The following SMDT1 variants were observed in gnomAD, a reference collection of about 807,000 sequenced individuals.
SMDT1 encodes single-pass membrane protein with aspartate rich tail 1, also known as essential MCU regulator, mitochondrial.
A neutral mutation model predicts 5.9 loss-of-function variants in SMDT1; 6 were observed. That is an observed-to-expected ratio of 1.03 (90% CI 0.56 to 2.02). The LOEUF is 2.02. Among genes scored for constraint, SMDT1 ranks in the 30% most tolerant of loss-of-function variants. The probability of loss-of-function intolerance (pLI) is 0.00; values close to 1 mark genes in which losing one functional copy is unlikely to be tolerated. For missense variants in SMDT1, 159 were observed against 145.6 expected (o/e 1.09, Z -0.47); for synonymous variants, 81 against 62.4 (o/e 1.30, Z -1.40).
intron 2 of SMDT1, 68 bp downstream of exon 2, chr22:42,082,133 C>A (rs1447551867): frequency 1.9e-6 from 3 of 1,580,754 alleles, no homozygotes; most frequent in South Asian, 1.1e-5. Context: ...TGCAGTCTGG[C>A]CTGGTAGCAG....
chr22:42,081,183 T>C (rs74360262), intron 1 of SMDT1, among the ~76,000 whole-genome samples: 2 of 151,936 alleles, frequency 1.3e-5, no homozygotes, highest in Non-Finnish European at 2.9e-5. Context: ...TTTTTTTTTT[T>C]GAGACGGAGT....
In SMDT1 at chr22:42,079,740, G is replaced by GT. The variant is rs1927595451; in HGVS notation, c.-28dup. The GT allele has an allele frequency of 1.3e-6, 2 of 1,587,220 alleles. No homozygotes were observed. Among genetic ancestry groups the GT allele is most frequent in the East Asian group, 4.5e-5 (2 of 44,434 alleles). On this transcript the variant is annotated 5_prime_UTR_variant, in exon 1 of 3. Transcript: ENST00000331479. The stretch of plus-strand genomic sequence containing the variant: ...ACGAGGGCTGGGCGGTGGGGTGCGG[G>GT]TGCCCGGGTGAGGGGCGGAGCTGGG...
chr22:42,081,663 T>C (rs1927793331), intron 1 of SMDT1, among the ~76,000 whole-genome samples: 1 of 151,840 alleles, frequency 6.6e-6, no homozygotes, highest in South Asian at 2.1e-4. Flanking sequence ...GATTTCACCA[T>C]GTTGGCCAGG....
rs551233749 is a variant in SMDT1, at chr22:42,079,931, G to C, written c.163G>C (p.Ala55Pro). The stretch of plus-strand genomic sequence containing the variant: ...GTCAGTCATCGTTACCCGCAGCGGC[G>C]CCATTTTGCCCAAACCGGTGAAAGT... The part of the protein sequence containing the change: ...SRSVIVTRSG[A>P]ILPKPVKMSF... Residue 55 changes from alanine (A) to proline (P), a missense_variant, in exon 1 of 3, where the codon GCC becomes CCC. Coordinates refer to ENST00000331479, the MANE Select transcript of SMDT1 (RefSeq NM_033318.5). 2.5e-6 allele frequency: 4 copies of C among 1,612,896 alleles called. No homozygotes were observed. The Admixed American group carries it at 5.0e-5, about 20-fold the overall frequency.
intron 1 of SMDT1, among the ~76,000 whole-genome samples, chr22:42,080,792 G>T (rs1927722771): frequency 6.6e-6 from 1 of 152,220 alleles, no homozygotes; most frequent in Non-Finnish European, 1.5e-5. Flanking sequence ...GAATACGAGA[G>T]AAATGTTGCT....
Position 42,082,024 on chromosome 22 carries a change from G to T in SMDT1, c.286G>T (p.Asp96Tyr), listed in dbSNP as rs759001318. Residue 96 changes from aspartate to tyrosine, a missense_variant, in exon 2 of 3, where the codon GAC (aspartate) becomes TAC (tyrosine). Coordinates refer to ENST00000331479, the MANE Select transcript of SMDT1 (RefSeq NM_033318.5). ...CTTTGCTGCTCTACTTGAGGAACAT[G>T]ACATTTTTGTTCCAGAGGATGATGA... is the stretch of plus-strand genomic sequence containing the variant. ...KNFAALLEEH[D>Y]IFVPEDDDDD... The T allele has an allele frequency of 6.2e-7, 1 of 1,613,732 alleles. No homozygotes were observed.
At chr22:42,080,054 A>G (rs757956863) in intron 1 of SMDT1, 100 bp downstream of exon 1, 2 of 1,301,526 alleles carry the variant, frequency 1.5e-6, no homozygotes, top group Non-Finnish European at 2.1e-6. Flanking sequence ...GCCAATCATA[A>G]CGATTACCGT....
intron 2 of SMDT1, among the ~76,000 whole-genome samples, chr22:42,082,402 T>C (rs1927857117): frequency 6.6e-6 from 1 of 152,186 alleles, no homozygotes; most frequent in South Asian, 2.1e-4. Flanking sequence ...GGTTTCTCCA[T>C]GTTAGCCAGG....
rs185621676 is a variant in SMDT1 at position 42,083,598 on chromosome 22, G to A, written c.*483G>A. On this transcript the variant is annotated 3_prime_UTR_variant, in exon 3 of 3. Coordinates refer to ENST00000331479, the MANE Select transcript of SMDT1 (RefSeq NM_033318.5). ...GCTAACTAAAGCCTCATGCCATTCT[G>A]TGTTCAGTGCCAGTCATGACAGCTC... The A allele has an allele frequency of 3.7e-4, 57 of 152,314 alleles. No homozygotes were observed. Among genetic ancestry groups the A allele is most frequent in the Admixed American group, 3.4e-3 (52 of 15,296 alleles). 9.4% of individuals were successfully genotyped at this position (152,314 alleles called of 1,614,324 possible). A position where few individuals can be genotyped will look rare whatever the true frequency, so the allele number is the denominator to read the frequency against.
At chr22:42,082,485 G>A (rs1157062856) in intron 2 of SMDT1, among the ~76,000 whole-genome samples, 1 of 152,204 alleles carries the variant, frequency 6.6e-6, no homozygotes, top group Non-Finnish European at 1.5e-5. Context: ...ACAGGCGTGA[G>A]CCACTGCGCC....
At chr22:42,080,038 G>C (rs867748462) in intron 1 of SMDT1, 84 bp downstream of exon 1, 5 of 1,397,960 alleles carry the variant, frequency 3.6e-6, no homozygotes, top group African/African-American at 2.9e-5. Flanking sequence ...ATTGATAGGA[G>C]CCAAGGCCAA....
rs1287265933 is a variant in SMDT1 at position 42,080,055 on chromosome 22, C to T, written c.186+101C>T. ...TGATAGGAGCCAAGGCCAATCATAA[C>T]GATTACCGTAGACTGGAAGGCGGAC... On this transcript the variant is annotated intron_variant, in intron 1 of 2. Transcript: ENST00000331479. 21 of 1,291,860 alleles carry T rather than the reference C, an allele frequency of 1.6e-5. No homozygotes were observed. In the South Asian group the frequency reaches 2.7e-4, roughly 17 times the overall value. The allele number at this position is 1,291,860 out of a possible 1,614,324, so 80.0% of individuals were successfully genotyped here.
At position 42,081,931 on chromosome 22, in the gene SMDT1, T is replaced by C; in HGVS notation, c.193T>C (p.Phe65Leu). The C allele has an allele frequency of 6.2e-7, 1 of 1,614,092 alleles. No homozygotes were observed. The highest frequency in any genetic ancestry group is 8.5e-7 in the Non-Finnish European group (1 of 1,180,038). ...AILPKPVKMS[F>L]GLLRVFSIVI... ...CCACTCTGACCCTCTGCAGATGTCC[T>C]TCGGCCTTCTCCGTGTGTTCTCCAT... Residue 65 changes from phenylalanine (F) to leucine (L), a missense_variant, in exon 2 of 3, where the codon TTC becomes CTC. Phe to Leu is a conservative substitution (Grantham distance 22). Transcript: ENST00000331479.
rs1417272897 is a variant in SMDT1 at position 42,079,896 on chromosome 22, T to G, written c.128T>G (p.Val43Gly). The change falls in exon 1 of 3, where the codon GTA becomes GGA. Residue 43 changes from valine (V) to glycine (G), a missense_variant. Coordinates refer to ENST00000331479, the MANE Select transcript of SMDT1 (RefSeq NM_033318.5). ...TGGAGCGGCTCAGGCCGGAGCCTGG[T>G]ACCGTCGAGGTCAGTCATCGTTACC... ...AAWSGSGRSL[V>G]PSRSVIVTRS... 6 of 1,614,024 alleles carry G rather than the reference T, an allele frequency of 3.7e-6. No homozygotes were observed. Among genetic ancestry groups the G allele is most frequent in the Non-Finnish European group, 5.1e-6 (6 of 1,180,008 alleles).
In SMDT1 at chr22:42,079,802, G is replaced by A. The variant is rs1416848873; in HGVS notation, c.34G>A (p.Ala12Thr). 1 of 1,610,856 alleles carries A rather than the reference G, an allele frequency of 6.2e-7. No individual in the cohort carries two copies. The change falls in exon 1 of 3, where the codon GCA (alanine) becomes ACA (threonine). Residue 12 changes from alanine (A) to threonine (T), a missense_variant. Physicochemically the swap from Ala to Thr is moderately conservative, Grantham distance 58. Coordinates refer to ENST00000331479, the MANE Select transcript of SMDT1 (RefSeq NM_033318.5). Reference protein sequence around the residue: ...ASGAARWLVLAPVRSGALRSG... With the variant: ...ASGAARWLVLTPVRSGALRSG... ...CGGAGCGGCTCGCTGGCTAGTATTG[G>A]CACCCGTCAGGTCCGGGGCTCTCCG...
chr22:42,079,767 G>T lies in SMDT1; in HGVS notation c.-2G>T. 1 of 1,604,782 alleles carries T rather than the reference G, an allele frequency of 6.2e-7. No homozygotes were observed. ...GCCCGGGTGAGGGGCGGAGCTGGGG[G>T]CATGGCGTCCGGAGCGGCTCGCTGG... On this transcript the variant is annotated 5_prime_UTR_variant, in exon 1 of 3. Coordinates refer to ENST00000331479, the MANE Select transcript of SMDT1 (RefSeq NM_033318.5).
intron 2 of SMDT1, chr22:42,082,293 C>G: frequency 6.1e-6 from 3 of 492,672 alleles, no homozygotes; most frequent in Non-Finnish European, 7.3e-6. Flanking sequence ...CCTCTGCCTT[C>G]CAGGTTCAAG....
At chr22:42,082,429 G>A (rs1048419514) in intron 2 of SMDT1, among the ~76,000 whole-genome samples, 3 of 152,134 alleles carry the variant, frequency 2.0e-5, no homozygotes, top group African/African-American at 7.2e-5. Flanking sequence ...TCAAACTCCC[G>A]ACCTCAGGTG....
rs1456027782 is a variant in SMDT1, at chr22:42,079,880, T to C, written c.112T>C (p.Ser38Pro). Residue 38 changes from serine to proline, a missense_variant, in exon 1 of 3, where the codon TCA becomes CCA. Physicochemically the swap from Ser to Pro is moderately conservative, Grantham distance 74 (BLOSUM62 -1). Transcript: ENST00000331479. ...DGDVSAAWSG[S>P]GRSLVPSRSV... ...CGATGTCTCCGCCGCATGGAGCGGCTCAGGCCGGAGCCTGGTACCGTCGAG... is the reference window on the plus strand; with the variant it reads ...CGATGTCTCCGCCGCATGGAGCGGCCCAGGCCGGAGCCTGGTACCGTCGAG... 2.5e-6 allele frequency: 4 copies of C among 1,614,070 alleles called. No homozygotes were observed. The African/African-American group carries it at 4.0e-5, about 16-fold the overall frequency.
Sources: gnomAD v4.1 joint callset for allele counts (sites outside exome capture counted in the v4.1 genomes callset) on GRCh38, gnomAD v4.1.1 for gene constraint, MANE v1.5 for transcripts, NCBI Gene and HGNC (gene_info 2026-07-23, HGNC 2026-07-21) for gene names.